ATP9B: variants seen among roughly 807,000 people sequenced by gnomAD.
ATP9B encodes ATPase phospholipid transporting 9B.
ATP9B carries 110 observed loss-of-function variants against 146.1 expected under a neutral mutation model. That is an observed-to-expected ratio of 0.75 (90% CI 0.65 to 0.88). ATP9B has a LOEUF of 0.88. Among genes scored for constraint, ATP9B ranks in the 40% least tolerant of loss-of-function variants. The probability of loss-of-function intolerance (pLI) is 0.00; values close to 1 mark genes in which losing one functional copy is unlikely to be tolerated. For missense variants in ATP9B, 1,499 were observed against 1,496.4 expected (o/e 1.00, Z -0.03); for synonymous variants, 604 against 569.7 (o/e 1.06, Z -0.86).
chr18:79,308,819 T>G (rs12956490), intron 15 of ATP9B, among the ~76,000 whole-genome samples: 1 of 115,832 alleles, frequency 8.6e-6, no homozygotes, highest in African/African-American at 4.0e-5. Context: ...GGTCAGAGGC[T>G]GAGGAGTGAT....
chr18:79,234,124 G>A (rs1211337358), intron 11 of ATP9B, among the ~76,000 whole-genome samples: 1 of 152,178 alleles, frequency 6.6e-6, no homozygotes, highest in Non-Finnish European at 1.5e-5. Context: ...TCTTGGAACA[G>A]GGTTACAGGA....
At chr18:79,227,701 C>A (rs561998474) in intron 11 of ATP9B, among the ~76,000 whole-genome samples, 13 of 152,190 alleles carry the variant, frequency 8.5e-5, no homozygotes, top group Admixed American at 6.5e-4. Flanking sequence ...CTCACCTCCC[C>A]CCGACTGTTC....
chr18:79,114,057 G>A (rs972109487), intron 4 of ATP9B, among the ~76,000 whole-genome samples: 3 of 152,160 alleles, frequency 2.0e-5, no homozygotes, highest in Admixed American at 6.6e-5. Flanking sequence ...TGCAACCTCC[G>A]CCTCCCGGGT....
At chr18:79,169,642 A>G (rs1490688078) in intron 7 of ATP9B, among the ~76,000 whole-genome samples, 1 of 152,238 alleles carries the variant, frequency 6.6e-6, no homozygotes, top group African/African-American at 2.4e-5. Flanking sequence ...ACATTTGTTA[A>G]TTATGAATAC....
At chr18:79,292,789 G>C (rs1036414666) in intron 13 of ATP9B, among the ~76,000 whole-genome samples, 2 of 152,098 alleles carry the variant, frequency 1.3e-5, no homozygotes, top group African/African-American at 4.8e-5. Flanking sequence ...ACAGGGTCTT[G>C]CTCTGTCACC....
intron 1 of ATP9B, among the ~76,000 whole-genome samples, chr18:79,080,339 C>G (rs2073111687): frequency 6.6e-6 from 1 of 152,054 alleles, no homozygotes; most frequent in Admixed American, 6.5e-5. Flanking sequence ...TTGTAGTTCT[C>G]CTTGAAGAAG....
chr18:79,216,570 G>T (rs73000194), intron 11 of ATP9B, among the ~76,000 whole-genome samples: 6 of 152,108 alleles, frequency 3.9e-5, no homozygotes, highest in Non-Finnish European at 7.4e-5. Context: ...TACCCTGATT[G>T]CTAGTCAAGA....
At chr18:79,309,389 A>C (rs113436214) in intron 15 of ATP9B, among the ~76,000 whole-genome samples, 8,717 of 119,616 alleles carry the variant, frequency 0.073, 21 homozygotes, top group Admixed American at 0.094. Flanking sequence ...GTAGAAGGTC[A>C]GGGGCGGAGG....
At chr18:79,328,532 C>T (rs939409320) in intron 15 of ATP9B, among the ~76,000 whole-genome samples, 1 of 152,252 alleles carries the variant, frequency 6.6e-6, no homozygotes, top group East Asian at 1.9e-4. Flanking sequence ...AGAAGAGGAG[C>T]GTGGCCCCAG....
intron 8 of ATP9B, among the ~76,000 whole-genome samples, chr18:79,183,509 T>A (rs996685736): frequency 1.3e-5 from 2 of 152,162 alleles, no homozygotes; most frequent in Admixed American, 6.5e-5. Context: ...ATTTTCTAAG[T>A]CTGTTCATGT....
chr18:79,185,346 ACTTT>A (rs10553249), intron 8 of ATP9B, among the ~76,000 whole-genome samples: 88,080 of 151,490 alleles, frequency 0.58, 26,984 homozygotes, highest in African/African-American at 0.79. Context: ...TTATAAGGAT[ACTTT>A]CTTTATTTTT....
intron 8 of ATP9B, among the ~76,000 whole-genome samples, chr18:79,189,076 C>A (rs4128933): frequency 0.56 from 84,782 of 151,950 alleles, 25,390 homozygotes; most frequent in African/African-American, 0.79. Flanking sequence ...AGGCCAGGCA[C>A]GGTGGATCAC....
At chr18:79,174,698 A>G (rs563993141) in intron 7 of ATP9B, among the ~76,000 whole-genome samples, 24 of 152,240 alleles carry the variant, frequency 1.6e-4, no homozygotes, top group African/African-American at 5.8e-4. Context: ...ACATTCCTTT[A>G]TATCCTGTAT....
At chr18:79,324,491 C>T in intron 15 of ATP9B, among the ~76,000 whole-genome samples, 1 of 152,078 alleles carries the variant, frequency 6.6e-6, no homozygotes, top group Non-Finnish European at 1.5e-5. Flanking sequence ...TTTAATTTTT[C>T]AGTCCACCCA....
At chr18:79,333,563 T>C (rs564231144) in intron 17 of ATP9B, among the ~76,000 whole-genome samples, 1 of 152,358 alleles carries the variant, frequency 6.6e-6, no homozygotes, top group East Asian at 1.9e-4. Context: ...TTTTGATTAG[T>C]TGTTCTCTAG....
chr18:79,364,668 C>T (rs965799097), intron 26 of ATP9B, among the ~76,000 whole-genome samples: 2 of 152,130 alleles, frequency 1.3e-5, no homozygotes, highest in East Asian at 3.8e-4. Context: ...AGTTTTTAAT[C>T]ATGAGATCAA....
chr18:79,325,163 A>G (rs1373484453), intron 15 of ATP9B, among the ~76,000 whole-genome samples: 1 of 152,176 alleles, frequency 6.6e-6, no homozygotes, highest in East Asian at 1.9e-4. Context: ...TCCCCAGTCT[A>G]GAGCAGGACT....
At chr18:79,124,066 G>A (rs956874702) in intron 4 of ATP9B, among the ~76,000 whole-genome samples, 2 of 152,174 alleles carry the variant, frequency 1.3e-5, no homozygotes, top group African/African-American at 4.8e-5. Flanking sequence ...TGGCAGGAAT[G>A]TAAAGTGGTG....
At chr18:79,182,669 G>C (rs2095264043) in intron 8 of ATP9B, among the ~76,000 whole-genome samples, 1 of 152,184 alleles carries the variant, frequency 6.6e-6, no homozygotes. Context: ...ACCACAACAT[G>C]ACTTGTAGAA....
Sources: allele counts gnomAD v4.1 joint callset (sites outside exome capture counted in the v4.1 genomes callset), GRCh38; gene constraint gnomAD v4.1.1; transcripts MANE v1.5; gene names NCBI Gene and HGNC (gene_info 2026-07-23, HGNC 2026-07-21).